The following ZNRF3 variants were observed in gnomAD, a reference collection of about 807,000 sequenced individuals.
The protein encoded by ZNRF3 is E3 ubiquitin-protein ligase ZNRF3.
ZNRF3 carries 23 observed loss-of-function variants against 72.5 expected under a neutral mutation model. That is an observed-to-expected ratio of 0.32 (90% CI 0.23 to 0.45). ZNRF3 has a LOEUF of 0.45. Among genes scored for constraint, ZNRF3 ranks in the 20% least tolerant of loss-of-function variants. The pLI is 1.00. For synonymous variants in ZNRF3, 610 were observed against 545.3 expected, an observed-to-expected ratio of 1.12 and a Z score of -1.65; for missense variants, 1,169 against 1,272.1, an observed-to-expected ratio of 0.92 and a Z score of 1.23.
intron 1 of ZNRF3, among the ~76,000 whole-genome samples, chr22:28,911,102 G>A (rs2034307003): frequency 6.6e-6 from 1 of 152,198 alleles, no homozygotes; most frequent in Admixed American, 6.5e-5. Flanking sequence ...ACTGGGTGTG[G>A]GGCTAGATGA....
At position 29,057,452 on chromosome 22, in the gene ZNRF3, T is replaced by C. The variant is rs1258866327; in HGVS notation, c.*3830T>C. 1 of 106,582 alleles carries C rather than the reference T, an allele frequency of 9.4e-6. No individual in the cohort carries two copies. Among genetic ancestry groups the C allele is most frequent in the African/African-American group, 3.6e-5 (1 of 28,108 alleles). The allele number at this position is 106,582 out of a possible 1,614,324, so 6.6% of individuals were successfully genotyped here. A position where few individuals can be genotyped will look rare whatever the true frequency, so the allele number is the denominator to read the frequency against. ...TTTTGTAACAAATTGTACACATGAC[T>C]GTAAAAAAAAAATACAATTTTATCA... On this transcript the variant is annotated 3_prime_UTR_variant, in exon 9 of 9. Transcript: ENST00000544604.
chr22:28,989,873 A>G (rs1252069218), intron 2 of ZNRF3, among the ~76,000 whole-genome samples: 1 of 152,226 alleles, frequency 6.6e-6, no homozygotes, highest in East Asian at 1.9e-4. Flanking sequence ...AAACACGTAA[A>G]TGCCTCTCCA....
intron 1 of ZNRF3, among the ~76,000 whole-genome samples, chr22:28,935,909 G>A (rs1042027018): frequency 6.6e-6 from 1 of 152,156 alleles, no homozygotes; most frequent in African/African-American, 2.4e-5. Context: ...TTCAAGAAGT[G>A]TTGCCTGTAC....
chr22:28,928,434 A>G (rs1322532794), intron 1 of ZNRF3, among the ~76,000 whole-genome samples: 1 of 150,806 alleles, frequency 6.6e-6, no homozygotes, highest in East Asian at 1.9e-4. Context: ...CTGCTGTGCC[A>G]TTGTCACACC....
chr22:28,887,968 T>C (rs947833506), intron 1 of ZNRF3, among the ~76,000 whole-genome samples: 1 of 152,154 alleles, frequency 6.6e-6, no homozygotes, highest in Non-Finnish European at 1.5e-5. Flanking sequence ...AAATGCATTT[T>C]TTTTTTGCTT....
chr22:28,955,398 T>C (rs1219313265), intron 1 of ZNRF3, among the ~76,000 whole-genome samples: 1 of 152,164 alleles, frequency 6.6e-6, no homozygotes, highest in Non-Finnish European at 1.5e-5. Context: ...TTTGTGCTAG[T>C]TATGTTTTTC....
intron 1 of ZNRF3, among the ~76,000 whole-genome samples, chr22:28,918,379 G>A (rs1224255920): frequency 6.6e-6 from 1 of 152,180 alleles, no homozygotes; most frequent in Non-Finnish European, 1.5e-5. Context: ...GGAGTTTGCT[G>A]GGTGACTGAG....
At chr22:29,010,199 G>A (rs560248241) in intron 2 of ZNRF3, among the ~76,000 whole-genome samples, 347 of 151,922 alleles carry the variant, frequency 2.3e-3, no homozygotes, top group Non-Finnish European at 3.8e-3. Context: ...ATGAGCCACC[G>A]CACCCAGCCC....
chr22:28,895,527 C>T (rs2033975471), intron 1 of ZNRF3, among the ~76,000 whole-genome samples: 2 of 152,126 alleles, frequency 1.3e-5, no homozygotes, highest in Admixed American at 6.5e-5. Context: ...ATTAGCCAGG[C>T]GCAGTGGCGG....
intron 1 of ZNRF3, among the ~76,000 whole-genome samples, chr22:28,919,556 T>TA (rs1168840063): frequency 6.6e-6 from 1 of 151,950 alleles, no homozygotes; most frequent in Non-Finnish European, 1.5e-5. Context: ...TTTTTTTTTT[T>TA]TGAGACGGAG....
intron 1 of ZNRF3, among the ~76,000 whole-genome samples, chr22:28,914,627 C>CA (rs1362140040): frequency 9.2e-5 from 14 of 151,378 alleles, no homozygotes; most frequent in African/African-American, 3.2e-4. Context: ...CCAGCCTGAC[C>CA]AACATGGTGA....
At chr22:28,903,177 C>T (rs1462519667) in intron 1 of ZNRF3, among the ~76,000 whole-genome samples, 1 of 152,194 alleles carries the variant, frequency 6.6e-6, no homozygotes, top group Non-Finnish European at 1.5e-5. Flanking sequence ...CTTATCCCTA[C>T]TCTCTACAGC....
At chr22:29,021,126 C>G (rs544993763) in intron 2 of ZNRF3, among the ~76,000 whole-genome samples, 5 of 152,012 alleles carry the variant, frequency 3.3e-5, no homozygotes, top group South Asian at 4.1e-4. Context: ...CCCGGCTACT[C>G]AGAAGGCTGA....
chr22:28,904,166 G>A (rs139807552), intron 1 of ZNRF3, among the ~76,000 whole-genome samples: 41 of 152,140 alleles, frequency 2.7e-4, no homozygotes, highest in African/African-American at 8.9e-4. Flanking sequence ...CTCTTCACTC[G>A]GCCTCTGTCT....
intron 2 of ZNRF3, chr22:29,018,195 A>G (rs1461517405): frequency 8.3e-6 from 3 of 362,552 alleles, no homozygotes; most frequent in South Asian, 4.3e-5. Flanking sequence ...GGCATCATGT[A>G]TGGAATGAAC....
intron 2 of ZNRF3, among the ~76,000 whole-genome samples, chr22:28,989,343 ATC>A (rs993327819): frequency 2.6e-5 from 4 of 152,008 alleles, no homozygotes; most frequent in Non-Finnish European, 4.4e-5. Flanking sequence ...ATGAGTCAAG[ATC>A]TCTCTCTCTT....
In ZNRF3 at chr22:28,917,116, G is replaced by A. The variant is rs140854283; in HGVS notation, c.300+33050G>A. ...CTCATCTGCCTGCCACTGTGTGATT[G>A]CCTAGAAGCGTCGGCCAGGTGGCAG... On this transcript the variant is annotated intron_variant, in intron 1 of 8. Transcript: ENST00000544604. 2.0e-3 allele frequency among the ~76,000 whole-genome samples: 303 copies of A among 152,260 alleles called. 2 individuals carry two copies. The highest frequency in any genetic ancestry group is 6.9e-3 in the African/African-American group (285 of 41,558).
At position 29,044,902 on chromosome 22, in the gene ZNRF3, G is replaced by T. The variant is rs760217764; in HGVS notation, c.744+12G>T. The T allele has an allele frequency of 1.3e-6, 2 of 1,593,626 alleles. No individual in the cohort carries two copies. The highest frequency in any genetic ancestry group is 4.5e-5 in the East Asian group (2 of 44,722). ...AGCGACGCAGTCAGGTAGTGCCTCT[G>T]TGTGTAGCCCGTGAGCAGTAACCCC... On this transcript the variant is annotated intron_variant, in intron 5 of 8. Transcript: ENST00000544604.
chr22:29,020,459 C>G (rs1410630983), intron 2 of ZNRF3, among the ~76,000 whole-genome samples: 2 of 151,860 alleles, frequency 1.3e-5, no homozygotes, highest in Non-Finnish European at 2.9e-5. Context: ...CGGGCTTTCA[C>G]CATGCTGCCC....
Sources: allele counts gnomAD v4.1 joint callset (sites outside exome capture counted in the v4.1 genomes callset), GRCh38; gene constraint gnomAD v4.1.1; transcripts MANE v1.5; gene names NCBI Gene and HGNC (gene_info 2026-07-23, HGNC 2026-07-21).